Variants in EPHA5 observed in about 807,000 individuals in gnomAD.
EPHA5 encodes ephrin type-A receptor 5.
EPHA5 carries 60 observed loss-of-function variants against 105.0 expected under a neutral mutation model. That is an observed-to-expected ratio of 0.57 (90% CI 0.46 to 0.71). The LOEUF is 0.71. Ranked by LOEUF, EPHA5 falls within the 30% of genes least tolerant of loss-of-function variation. The pLI is 0.00. For synonymous variants in EPHA5, 513 were observed against 449.1 expected (o/e 1.14, Z -1.80); for missense variants, 1,218 against 1,274.7 (o/e 0.96, Z 0.68).
chr4:65,345,048 A>C (rs1722082426), intron 14 of EPHA5, among the ~76,000 whole-genome samples: 1 of 152,172 alleles, frequency 6.6e-6, no homozygotes, highest in Non-Finnish European at 1.5e-5. Flanking sequence ...CAGTTTCTTA[A>C]TTGTAAAACA....
chr4:65,342,737 G>A (rs1721852930), intron 14 of EPHA5, among the ~76,000 whole-genome samples: 1 of 150,798 alleles, frequency 6.6e-6, no homozygotes, highest in African/African-American at 2.4e-5. Flanking sequence ...ATGTATATGA[G>A]CAATATACAT....
intron 8 of EPHA5, chr4:65,376,904 T>C (rs1719063724): frequency 8.6e-7 from 1 of 1,164,164 alleles, no homozygotes. Context: ...TTTATTCTAC[T>C]CAAATGTACA....
chr4:65,380,918 T>C (rs1370552650), intron 8 of EPHA5, among the ~76,000 whole-genome samples: 1 of 151,738 alleles, frequency 6.6e-6, no homozygotes, highest in Non-Finnish European at 1.5e-5. Context: ...ATGGGGTTTG[T>C]AGTCAAACTA....
At chr4:65,477,228 T>G (rs530365373) in intron 5 of EPHA5, among the ~76,000 whole-genome samples, 3 of 152,278 alleles carry the variant, frequency 2.0e-5, no homozygotes, top group African/African-American at 7.2e-5. Flanking sequence ...ATTTGAAAAC[T>G]GAGCTATCTA....
chr4:65,539,054 G>T (rs756418018), intron 3 of EPHA5, among the ~76,000 whole-genome samples: 1 of 151,728 alleles, frequency 6.6e-6, no homozygotes, highest in Middle Eastern at 3.4e-3. Flanking sequence ...TTGTTACAGA[G>T]AGCAGCCTGC....
At chr4:65,451,365 C>T (rs1013782353) in intron 5 of EPHA5, among the ~76,000 whole-genome samples, 3 of 152,094 alleles carry the variant, frequency 2.0e-5, no homozygotes, top group Non-Finnish European at 2.9e-5. Context: ...TATTCTACTA[C>T]ATTTTTACCA....
chr4:65,665,812 T>TA (rs1749918681), intron 1 of EPHA5, among the ~76,000 whole-genome samples: 1 of 152,196 alleles, frequency 6.6e-6, no homozygotes, highest in East Asian at 1.9e-4. Flanking sequence ...TTTCATGGTT[T>TA]ATTAAGCAAA....
At chr4:65,365,226 G>A (rs768582643) in intron 10 of EPHA5, 24 bp from the exon 11 acceptor site, 2 of 1,600,700 alleles carry the variant, frequency 1.2e-6, no homozygotes. Flanking sequence ...TGAAAAAAAT[G>A]CAAAAACTCA....
At chr4:65,569,499 A>G (rs536998209) in intron 3 of EPHA5, among the ~76,000 whole-genome samples, 123 of 151,812 alleles carry the variant, frequency 8.1e-4, no homozygotes, top group African/African-American at 2.6e-3. Context: ...TGAGTTTTCA[A>G]ATGTATTTCC....
In EPHA5 at chr4:65,353,051, T is replaced by C. The variant is rs1722971143; in HGVS notation, c.2226A>G (p.Thr742=). The part of the protein sequence containing the change: ...TEYMENGSLD[T]FLKKNDGQFT... ...TATTCCCCAATCCTACCTTCAAAAA[T>C]GTATCTAAAGAGCCATTCTCCATAT... is the stretch of plus-strand genomic sequence containing the variant. The change falls in exon 12 of 17, where the codon ACA becomes ACG. Residue 742 remains threonine, a synonymous_variant. Transcript: ENST00000613740. 3.9e-6 allele frequency: 6 copies of C among 1,551,702 alleles called. No individual in the cohort carries two copies. The highest frequency in any genetic ancestry group is 1.4e-5 in the African/African-American group (1 of 71,212).
At position 65,353,096 on chromosome 4, in the gene EPHA5, T is replaced by C. The variant is rs199720107; in HGVS notation, c.2181A>G (p.Pro727=). The change falls in exon 12 of 17, where the codon CCA becomes CCG. Residue 727 remains proline (P), a synonymous_variant. Coordinates refer to ENST00000613740, the MANE Select transcript of EPHA5 (RefSeq NM_001281766.3). The part of the protein sequence containing the change: ...HLEGVVTKSK[P]VMIVTEYMEN... ...CCATATACTCTGTCACGATCATCAC[T>C]GGTTTACCTGAAAAGAAAACAGAGT... 61 of 1,553,804 alleles carry C rather than the reference T, an allele frequency of 3.9e-5. No individual in the cohort carries two copies. Among genetic ancestry groups the C allele is most frequent in the Middle Eastern group, 3.4e-4 (2 of 5,894 alleles).
Position 65,629,284 on chromosome 4 carries a change from T to C in EPHA5, c.246+14079A>G, listed in dbSNP as rs138300925. Among the ~76,000 whole-genome samples the C allele has an allele frequency of 1.4e-3, 207 of 152,334 alleles. 4 individuals are homozygous for C. The highest frequency in any genetic ancestry group is 6.8e-3 in the Middle Eastern group (2 of 294). The stretch of plus-strand genomic sequence containing the variant: ...GTCAGCAATCACAAGGGTGACTTTC[T>C]TAGGCTCTAAGGAAACAATGAGCTA... On this transcript the variant is annotated intron_variant, in intron 2 of 16. Transcript: ENST00000613740.
At chr4:65,480,315 G>A (rs1730230894) in intron 5 of EPHA5, among the ~76,000 whole-genome samples, 1 of 152,136 alleles carries the variant, frequency 6.6e-6, no homozygotes, top group South Asian at 2.1e-4. Context: ...TTTTTGAATG[G>A]CAATTTATAT....
intron 7 of EPHA5, among the ~76,000 whole-genome samples, chr4:65,413,280 C>T (rs1467078062): frequency 6.6e-6 from 1 of 151,990 alleles, no homozygotes; most frequent in Non-Finnish European, 1.5e-5. Flanking sequence ...TAATTTTTTA[C>T]AATGGCACCC....
At chr4:65,652,511 A>G (rs909128653) in intron 1 of EPHA5, among the ~76,000 whole-genome samples, 2 of 152,154 alleles carry the variant, frequency 1.3e-5, no homozygotes, top group Non-Finnish European at 2.9e-5. Flanking sequence ...GCAAGAGCCC[A>G]AGGTCCCAGA....
chr4:65,581,870 C>A lies in EPHA5; in HGVS notation c.910+19771G>T, dbSNP rs147615461. ...TTTTAACCATGTTTTATTTGTAATT[C>A]TTTACACATAGACAATTGAAATTCT... On this transcript the variant is annotated intron_variant, in intron 3 of 16. Coordinates refer to ENST00000613740, the MANE Select transcript of EPHA5 (RefSeq NM_001281766.3). Among the ~76,000 whole-genome samples the A allele has an allele frequency of 1.2e-3, 181 of 151,770 alleles. 1 individual carries two copies. Among genetic ancestry groups the A allele is most frequent in the African/African-American group, 4.0e-3 (165 of 41,488 alleles).
At chr4:65,363,891 T>C (rs1717586149) in intron 11 of EPHA5, among the ~76,000 whole-genome samples, 1 of 151,632 alleles carries the variant, frequency 6.6e-6, no homozygotes, top group Admixed American at 6.6e-5. Flanking sequence ...TATATTGTTA[T>C]TTCACATATT....
At chr4:65,425,929 G>A (rs1411132967) in intron 5 of EPHA5, among the ~76,000 whole-genome samples, 1 of 152,092 alleles carries the variant, frequency 6.6e-6, no homozygotes, top group Non-Finnish European at 1.5e-5. Flanking sequence ...TCTTATGTCT[G>A]GTTCATTGTT....
Position 65,370,596 on chromosome 4 carries a change from G to C in EPHA5, c.1794-3172C>G, listed in dbSNP as rs115996113. On this transcript the variant is annotated intron_variant, in intron 8 of 16. Coordinates refer to ENST00000613740, the MANE Select transcript of EPHA5 (RefSeq NM_001281766.3). ...GCTTTCAAAATTGTATCCTCAAATA[G>C]CCTTTATCATTAAATAAGCCTCACG... Among the ~76,000 whole-genome samples the C allele has an allele frequency of 7.9e-3, 1,209 of 152,078 alleles. 11 individuals carry two copies. Among genetic ancestry groups the C allele is most frequent in the Middle Eastern group, 0.014 (4 of 294 alleles).
Sources: allele counts gnomAD v4.1 joint callset (sites outside exome capture counted in the v4.1 genomes callset), GRCh38; gene constraint gnomAD v4.1.1; transcripts MANE v1.5; gene names NCBI Gene and HGNC (gene_info 2026-07-23, HGNC 2026-07-21).